The following KCNU1 variants were observed in gnomAD, a reference collection of about 807,000 sequenced individuals.
The protein encoded by KCNU1 is potassium channel subfamily U member 1.
Under a neutral mutation model 126.8 loss-of-function variants are expected in KCNU1, and 93 were observed. The observed-to-expected ratio is 0.73, with a 90% CI of 0.62 to 0.87. The LOEUF (loss-of-function observed/expected upper bound fraction) is 0.87, where lower values mean the gene tolerates loss of function less well. Ranked by LOEUF, KCNU1 falls within the 40% of genes least tolerant of loss-of-function variation. KCNU1 has a pLI of 0.00. For missense variants in KCNU1, 1,330 were observed against 1,367.1 expected (o/e 0.97, Z 0.43); for synonymous variants, 523 against 494.2 (o/e 1.06, Z -0.77).
rs1304457412 is a variant in KCNU1, at chr8:36,935,975, A to C, written c.*55A>C. 1.1e-5 allele frequency: 16 copies of C among 1,430,336 alleles called. No homozygotes were observed. Among genetic ancestry groups the C allele is most frequent in the African/African-American group, 1.4e-5 (1 of 69,878 alleles). The allele number at this position is 1,430,336 out of a possible 1,614,324, so 88.6% of individuals were successfully genotyped here. A position where few individuals can be genotyped will look rare whatever the true frequency, so the allele number is the denominator to read the frequency against. On this transcript the variant is annotated 3_prime_UTR_variant, in exon 27 of 27. Transcript: ENST00000399881. ...CTTGCTGCTTACAAATCATCTCCTG[A>C]GATGCTAACTTTGAACAAAGAAAAT...
At chr8:36,819,420 G>A (rs913115162) in intron 10 of KCNU1, among the ~76,000 whole-genome samples, 15 of 152,102 alleles carry the variant, frequency 9.9e-5, no homozygotes, top group African/African-American at 3.6e-4. Context: ...AGAAAACTGA[G>A]TATTATCTCT....
intron 6 of KCNU1, 22 bp downstream of exon 6, chr8:36,807,472 A>C (rs988423197): frequency 6.5e-7 from 1 of 1,532,630 alleles, no homozygotes; most frequent in Admixed American, 1.7e-5. Context: ...TGACCGAAGT[A>C]CTGCTTACTT....
At position 36,854,472 on chromosome 8, in the gene KCNU1, C is replaced by CTT. The variant is rs35097649; in HGVS notation, c.1891+8586_1891+8587dup. ...TCACCTATCTTTGAGTATGCTGATT[C>CTT]TTTTTTTTTTTTTTGCATGCTCAAG... On this transcript the variant is annotated intron_variant, in intron 18 of 26. Coordinates refer to ENST00000399881, the MANE Select transcript of KCNU1 (RefSeq NM_001031836.3). 1.6e-3 allele frequency among the ~76,000 whole-genome samples: 217 copies of CTT among 135,422 alleles called. 1 individual carries two copies. The highest frequency in any genetic ancestry group is 3.8e-3 in the Middle Eastern group (1 of 266). The allele number at this position is 135,422 out of a possible 152,430, so 88.8% of individuals were successfully genotyped here.
At chr8:36,906,219 G>T in intron 20 of KCNU1, among the ~76,000 whole-genome samples, 3 of 144,532 alleles carry the variant, frequency 2.1e-5, no homozygotes, top group Non-Finnish European at 1.5e-5. Context: ...CTTTTCTAAT[G>T]TATTGGTTTT....
Position 36,935,918 on chromosome 8 carries a change from T to G in KCNU1, c.3448T>G (p.Ter1150GluextTer21). The G allele has an allele frequency of 1.3e-6, 2 of 1,571,354 alleles. No individual in the cohort carries two copies. Among genetic ancestry groups the G allele is most frequent in the East Asian group, 4.5e-5 (2 of 44,510 alleles). The stretch of plus-strand genomic sequence containing the variant: ...TCCCTTTGCATATTCAGAGCCACTA[T>G]AGACCTGCCCATATTCTTCACGTGC... Reference protein sequence around the residue: ...EDPFAYSEPL* With the variant: ...EDPFAYSEPLE Residue 1150 changes from the stop codon to glutamate (E), a stop_lost, in exon 27 of 27, where the codon TAG becomes GAG. Coordinates refer to ENST00000399881, the MANE Select transcript of KCNU1 (RefSeq NM_001031836.3).
chr8:36,792,064 T>C (rs1802922544), intron 2 of KCNU1, among the ~76,000 whole-genome samples: 1 of 152,188 alleles, frequency 6.6e-6, no homozygotes, highest in Admixed American at 6.5e-5. Flanking sequence ...CTTGTTTATG[T>C]TTTTTTCTAC....
intron 19 of KCNU1, among the ~76,000 whole-genome samples, chr8:36,881,531 A>C (rs1349825751): frequency 6.6e-6 from 1 of 152,122 alleles, no homozygotes; most frequent in Admixed American, 6.5e-5. Flanking sequence ...GGCCAAGCCA[A>C]CCAACTTTTT....
chr8:36,867,221 A>G (rs556266187), intron 19 of KCNU1, among the ~76,000 whole-genome samples: 1 of 152,256 alleles, frequency 6.6e-6, no homozygotes, highest in East Asian at 1.9e-4. Flanking sequence ...GACGAGGTCA[A>G]TGAGAGCTGG....
intron 20 of KCNU1, among the ~76,000 whole-genome samples, chr8:36,906,495 G>C (rs949644984): frequency 3.3e-5 from 5 of 152,110 alleles, no homozygotes; most frequent in Non-Finnish European, 7.3e-5. Flanking sequence ...ATTTTCTGGA[G>C]TTGGAAACTC....
At chr8:36,896,968 T>C (rs1277166403) in intron 19 of KCNU1, among the ~76,000 whole-genome samples, 1 of 152,030 alleles carries the variant, frequency 6.6e-6, no homozygotes, top group Non-Finnish European at 1.5e-5. Context: ...CAATTTTTCA[T>C]CTTCCATTTA....
chr8:36,835,285 C>T (rs766099738), intron 12 of KCNU1, among the ~76,000 whole-genome samples: 5 of 151,764 alleles, frequency 3.3e-5, no homozygotes, highest in African/African-American at 1.2e-4. Flanking sequence ...AAAGATTATG[C>T]GTGGTCCGGT....
At chr8:36,853,315 A>G (rs1018015176) in intron 18 of KCNU1, among the ~76,000 whole-genome samples, 10 of 152,230 alleles carry the variant, frequency 6.6e-5, no homozygotes, top group Non-Finnish European at 1.3e-4. Context: ...ATGCTACTGC[A>G]TTCCAAGCTG....
chr8:36,814,935 CT>C (rs1563272042), intron 8 of KCNU1, among the ~76,000 whole-genome samples: 1 of 152,140 alleles, frequency 6.6e-6, no homozygotes, highest in South Asian at 2.1e-4. Context: ...TCTCACATCC[CT>C]TTTTTTCAGT....
At chr8:36,807,248 A>T (rs1236815443) in intron 5 of KCNU1, 127 bp from the exon 6 acceptor site, 1 of 717,672 alleles carries the variant, frequency 1.4e-6, no homozygotes, top group East Asian at 2.5e-5. Context: ...AGCCTATAAC[A>T]TGAGAATAGA....
At chr8:36,789,966 A>G (rs944184942) in intron 2 of KCNU1, among the ~76,000 whole-genome samples, 2 of 152,212 alleles carry the variant, frequency 1.3e-5, no homozygotes, top group Non-Finnish European at 2.9e-5. Context: ...CTTAAGATTC[A>G]TAGGGAAGAG....
At chr8:36,829,178 A>C (rs944152791) in intron 10 of KCNU1, among the ~76,000 whole-genome samples, 9 of 152,060 alleles carry the variant, frequency 5.9e-5, no homozygotes, top group Non-Finnish European at 1.3e-4. Context: ...ATAATTCTTC[A>C]TCAGTTGTGG....
intron 19 of KCNU1, among the ~76,000 whole-genome samples, chr8:36,883,756 A>G (rs1585507301): frequency 6.6e-6 from 1 of 152,068 alleles, no homozygotes; most frequent in South Asian, 2.1e-4. Context: ...ATGTCACTGC[A>G]CTCCAGCCTG....
At chr8:36,916,513 C>G (rs1312982898) in intron 22 of KCNU1, among the ~76,000 whole-genome samples, 2 of 151,832 alleles carry the variant, frequency 1.3e-5, no homozygotes, top group Admixed American at 6.6e-5. Context: ...ACACATGAAA[C>G]AGATAAGGCA....
At chr8:36,800,574 T>C (rs1001072734) in intron 2 of KCNU1, among the ~76,000 whole-genome samples, 1 of 152,232 alleles carries the variant, frequency 6.6e-6, no homozygotes, top group African/African-American at 2.4e-5. Context: ...TCTCGGCCAC[T>C]ATTTGGCTGG....
Sources: allele counts gnomAD v4.1 joint callset (sites outside exome capture counted in the v4.1 genomes callset), GRCh38; gene constraint gnomAD v4.1.1; transcripts MANE v1.5; gene names NCBI Gene and HGNC (gene_info 2026-07-23, HGNC 2026-07-21).